POU2AF1: variants seen among roughly 807,000 people sequenced by gnomAD.
The protein encoded by POU2AF1 is POU domain class 2-associating factor 1.
POU2AF1 carries 12 observed loss-of-function variants against 26.3 expected under a neutral mutation model. That is an observed-to-expected ratio of 0.46 (90% CI 0.29 to 0.74). POU2AF1 has a LOEUF of 0.74. Ranked by LOEUF, POU2AF1 falls within the 30% of genes least tolerant of loss-of-function variation. The pLI is 0.09. For missense variants in POU2AF1, 297 were observed against 334.5 expected, an observed-to-expected ratio of 0.89 and a Z score of 0.87; for synonymous variants, 175 against 148.0, an observed-to-expected ratio of 1.18 and a Z score of -1.32.
At chr11:111,360,018 G>A (rs1230645383) in intron 1 of POU2AF1, 2 of 519,000 alleles carry the variant, frequency 3.9e-6, no homozygotes, top group Non-Finnish European at 7.7e-6. Flanking sequence ...TGCTGCTGAG[G>A]GAAGGTTTCC....
chr11:111,369,783 T>C (rs1202980688), intron 1 of POU2AF1, among the ~76,000 whole-genome samples: 1 of 151,998 alleles, frequency 6.6e-6, no homozygotes, highest in Non-Finnish European at 1.5e-5. Flanking sequence ...GGCAGTACCA[T>C]AGTGAGGGAT....
At chr11:111,362,609 C>G (rs1486596062) in intron 1 of POU2AF1, among the ~76,000 whole-genome samples, 1 of 152,192 alleles carries the variant, frequency 6.6e-6, no homozygotes, top group Non-Finnish European at 1.5e-5. Flanking sequence ...ATAACGTCCT[C>G]CAGTTCCATC....
At chr11:111,375,411 T>TTTTG in intron 1 of POU2AF1, among the ~76,000 whole-genome samples, 1 of 142,872 alleles carries the variant, frequency 7.0e-6, no homozygotes, top group Non-Finnish European at 1.5e-5. Flanking sequence ...TTTTTTTTTT[T>TTTTG]TTTGAGGCGG....
chr11:111,367,220 A>G (rs1861122474), intron 1 of POU2AF1, among the ~76,000 whole-genome samples: 1 of 152,090 alleles, frequency 6.6e-6, no homozygotes, highest in Admixed American at 6.5e-5. Context: ...CAGGTCAAGC[A>G]CAGAAGGCTG....
intron 1 of POU2AF1, among the ~76,000 whole-genome samples, chr11:111,366,368 G>A (rs558540891): frequency 5.3e-5 from 8 of 152,324 alleles, no homozygotes; most frequent in East Asian, 1.9e-4. Context: ...TGACGTTAAA[G>A]GTGGTTGGAA....
chr11:111,358,414 A>ACT (rs879613838), intron 2 of POU2AF1, among the ~76,000 whole-genome samples: 14,891 of 60,984 alleles, frequency 0.24, 2,049 homozygotes, highest in Middle Eastern at 0.34. Flanking sequence ...ACTCTCTCAC[A>ACT]CACACGCTCA....
intron 4 of POU2AF1, 137 bp downstream of exon 4, chr11:111,357,307 TG>T: frequency 8.1e-7 from 1 of 1,241,512 alleles, no homozygotes; most frequent in Non-Finnish European, 1.1e-6. Context: ...CAGGCCTCCA[TG>T]GAGACCAAGG....
intron 2 of POU2AF1, 82 bp from the exon 3 acceptor site, chr11:111,357,919 CA>C: frequency 7.2e-7 from 1 of 1,384,950 alleles, no homozygotes; most frequent in African/African-American, 1.5e-5. Context: ...CAGAGGGCCT[CA>C]GGGCAGGAGA....
At chr11:111,354,853 C>T (rs1345422554) in intron 4 of POU2AF1, among the ~76,000 whole-genome samples, 1 of 152,218 alleles carries the variant, frequency 6.6e-6, no homozygotes, top group Non-Finnish European at 1.5e-5. Flanking sequence ...AAATAGAATA[C>T]AAACAGTAAT....
chr11:111,362,102 C>T (rs1183684617), intron 1 of POU2AF1, among the ~76,000 whole-genome samples: 2 of 152,186 alleles, frequency 1.3e-5, no homozygotes, highest in South Asian at 2.1e-4. Context: ...GCGAACAGGG[C>T]ACCTGCCCTG....
chr11:111,357,915 G>C, intron 2 of POU2AF1, 78 bp from the exon 3 acceptor site: 1 of 1,399,698 alleles, frequency 7.1e-7, no homozygotes, highest in Non-Finnish European at 9.6e-7. Flanking sequence ...TGCCCAGAGG[G>C]CCTCAGGGCA....
chr11:111,370,451 C>T (rs1010930532), intron 1 of POU2AF1, among the ~76,000 whole-genome samples: 4 of 152,134 alleles, frequency 2.6e-5, no homozygotes, highest in Non-Finnish European at 1.5e-5. Context: ...GACCAGCTAG[C>T]AGGGATCTTG....
intron 1 of POU2AF1, chr11:111,364,442 A>C (rs189207043): frequency 0.034 from 5,186 of 152,370 alleles, 123 homozygotes; most frequent in Middle Eastern, 0.15. Context: ...TTCACACCAC[A>C]GTGCAGGAGC....
intron 1 of POU2AF1, among the ~76,000 whole-genome samples, chr11:111,368,438 CCA>C (rs1305871649): frequency 1.3e-5 from 2 of 151,990 alleles, no homozygotes; most frequent in Non-Finnish European, 2.9e-5. Context: ...GCTGATTGGC[CCA>C]CCAAGAGAAG....
rs1719658808 is a variant in POU2AF1, at chr11:111,352,882, A to G, written c.*1379T>C. On this transcript the variant is annotated 3_prime_UTR_variant, in exon 5 of 5. Transcript: ENST00000393067. ...TTGGGAGACAGAGGTGCAGTGAGCC[A>G]AGATCGCACCATTGTACTCCAGCCT... 5.7e-6 allele frequency: 1 copy of G among 176,012 alleles called. No individual in the cohort carries two copies. Among genetic ancestry groups the G allele is most frequent in the Admixed American group, 6.3e-5 (1 of 15,764 alleles). 10.9% of individuals were successfully genotyped at this position (176,012 alleles called of 1,614,324 possible).
At chr11:111,359,542 T>G (rs1860964920) in intron 1 of POU2AF1, 1 of 185,440 alleles carries the variant, frequency 5.4e-6, no homozygotes, top group East Asian at 1.5e-4. Context: ...TGTGTGATCC[T>G]GGGCAAGTTA....
chr11:111,374,599 G>A (rs912927123), intron 1 of POU2AF1, among the ~76,000 whole-genome samples: 2 of 152,184 alleles, frequency 1.3e-5, no homozygotes, highest in Non-Finnish European at 2.9e-5. Flanking sequence ...AGGAGGCTGA[G>A]GCAGGAGAAT....
At position 111,379,153 on chromosome 11, in the gene POU2AF1, A is replaced by G. The variant is rs1305225970; in HGVS notation, c.16+9T>C. The G allele has an allele frequency of 6.2e-7, 1 of 1,613,930 alleles. No homozygotes were observed. The highest frequency in any genetic ancestry group is 1.3e-5 in the African/African-American group (1 of 74,946). On this transcript the variant is annotated intron_variant, in intron 1 of 4. Coordinates refer to ENST00000393067, the MANE Select transcript of POU2AF1 (RefSeq NM_006235.3). Reference sequence around the variant, plus strand: ...GCTTGGGTCTGACAGCCACAGCCAAACCACTTACGTTTTTGCCAGAGCATG... The same window carrying G: ...GCTTGGGTCTGACAGCCACAGCCAAGCCACTTACGTTTTTGCCAGAGCATG...
At chr11:111,369,683 C>T (rs1861171640) in intron 1 of POU2AF1, among the ~76,000 whole-genome samples, 1 of 152,136 alleles carries the variant, frequency 6.6e-6, no homozygotes, top group African/African-American at 2.4e-5. Flanking sequence ...AGAGAAAGGG[C>T]CTAAACAGAG....
Sources: gnomAD v4.1 joint callset for allele counts (sites outside exome capture counted in the v4.1 genomes callset) on GRCh38, gnomAD v4.1.1 for gene constraint, MANE v1.5 for transcripts, NCBI Gene and HGNC (gene_info 2026-07-23, HGNC 2026-07-21) for gene names.